CDC42BPB: variants seen among roughly 807,000 people sequenced by gnomAD.
CDC42BPB encodes serine/threonine-protein kinase MRCK beta.
A neutral mutation model predicts 214.9 loss-of-function variants in CDC42BPB; 37 were observed. That is an observed-to-expected ratio of 0.17 (90% confidence interval 0.13 to 0.23). The LOEUF is 0.23. Among genes scored for constraint, CDC42BPB ranks in the 10% least tolerant of loss-of-function variants. The probability of loss-of-function intolerance (pLI) is 1.00; values close to 1 mark genes in which losing one functional copy is unlikely to be tolerated. For missense variants in CDC42BPB, 1,694 were observed against 2,227.0 expected (o/e 0.76, Z 4.82); for synonymous variants, 931 against 884.0 (o/e 1.05, Z -0.94).
chr14:102,964,319 G>A (rs1034602578), intron 19 of CDC42BPB, among the ~76,000 whole-genome samples, 183 bp downstream of exon 19: 2 of 152,250 alleles, frequency 1.3e-5, no homozygotes, highest in African/African-American at 2.4e-5. Context: ...CCACCTCAGT[G>A]CCAGAACGGC....
chr14:103,034,818 C>CAAAAAA (rs573894825), intron 1 of CDC42BPB, among the ~76,000 whole-genome samples: 1 of 62,852 alleles, frequency 1.6e-5, no homozygotes. Flanking sequence ...ACTCCGTCTC[C>CAAAAAA]AAAAAAAAAA....
intron 1 of CDC42BPB, among the ~76,000 whole-genome samples, chr14:103,043,147 G>C (rs1464337834): frequency 6.6e-6 from 1 of 152,168 alleles, no homozygotes; most frequent in Non-Finnish European, 1.5e-5. Flanking sequence ...GGGAGGCTGA[G>C]GCAGGAGAAT....
rs529941957 is a variant in CDC42BPB at position 103,004,832 on chromosome 14, G to A, written c.352-809C>T. 9.2e-5 allele frequency among the ~76,000 whole-genome samples: 14 copies of A among 151,660 alleles called. 1 individual carries two copies. The highest frequency in any genetic ancestry group is 2.2e-4 in the African/African-American group (9 of 41,298). ...TGCGGTGAGCCAAAATTGCATCACC[G>A]TACTCCAGCCTGGACGACAGAGCCA... On this transcript the variant is annotated intron_variant, in intron 3 of 36. Transcript: ENST00000361246. This position sits in a 1 kb window ranked among gnomAD's most constrained non-coding sequence, Gnocchi z 5.3.
intron 1 of CDC42BPB, among the ~76,000 whole-genome samples, chr14:103,031,577 T>C (rs891504814): frequency 4.6e-5 from 7 of 152,370 alleles, no homozygotes; most frequent in Admixed American, 3.3e-4. Context: ...TATTTGATTA[T>C]GAAAATTGTA....
intron 5 of CDC42BPB, among the ~76,000 whole-genome samples, chr14:102,993,878 C>T (rs2269323): frequency 0.43 from 64,848 of 152,036 alleles, 14,640 homozygotes; most frequent in African/African-American, 0.56. Context: ...TTTATTTAGA[C>T]TGGAACAAAC....
At chr14:102,998,778 C>T (rs925433141) in intron 5 of CDC42BPB, among the ~76,000 whole-genome samples, 17 of 152,100 alleles carry the variant, frequency 1.1e-4, no homozygotes, top group East Asian at 3.9e-4. Context: ...GGGGTCAGCA[C>T]GGCACAGAGA....
intron 1 of CDC42BPB, among the ~76,000 whole-genome samples, chr14:103,040,235 A>T (rs1887909782): frequency 6.6e-6 from 1 of 151,816 alleles, no homozygotes. Flanking sequence ...GGTGCCTGCA[A>T]TCCCAGCTAC....
At chr14:102,945,225 T>TG in intron 29 of CDC42BPB, 1 of 458,036 alleles carries the variant, frequency 2.2e-6, no homozygotes, top group South Asian at 1.5e-5. Flanking sequence ...CCCTGCCCCC[T>TG]GCCCATGGCC....
chr14:103,044,069 G>A (rs771344241), intron 1 of CDC42BPB, among the ~76,000 whole-genome samples: 1 of 152,054 alleles, frequency 6.6e-6, no homozygotes, highest in Non-Finnish European at 1.5e-5. Flanking sequence ...TTCTCAATTC[G>A]CTGCTAGTCA....
intron 20 of CDC42BPB, 99 bp from the exon 21 acceptor site, chr14:102,959,809 G>A: frequency 1.2e-6 from 1 of 805,208 alleles, no homozygotes; most frequent in South Asian, 1.9e-5. Context: ...TTCTCCTTGA[G>A]TAACTGATAC....
intron 1 of CDC42BPB, among the ~76,000 whole-genome samples, chr14:103,023,004 T>C (rs1886857422): frequency 6.6e-6 from 1 of 151,824 alleles, no homozygotes; most frequent in Non-Finnish European, 1.5e-5. Flanking sequence ...TTTTTTTTCT[T>C]TTCTTTTCCT....
In CDC42BPB at chr14:102,949,080, G is replaced by A. The variant is rs75830236; in HGVS notation, c.3449+685C>T. 7.4e-3 allele frequency among the ~76,000 whole-genome samples: 1,129 copies of A among 152,290 alleles called. 17 individuals are homozygous for A. The highest frequency in any genetic ancestry group is 0.026 in the African/African-American group (1,083 of 41,552). On this transcript the variant is annotated intron_variant, in intron 26 of 36. Coordinates refer to ENST00000361246, the MANE Select transcript of CDC42BPB (RefSeq NM_006035.4). ...GTGCACCACACAACAGACGGTGCAC[G>A]GGCACAGCACAGAGATGACACAAAG...
chr14:102,975,322 G>A lies in CDC42BPB; in HGVS notation c.1507+362C>T, dbSNP rs917958232. ...GCAGATCACCTGAGGTCAGGAGTTCGAGACCAGCCTGGCCAACATGGTGAA... is the reference window on the plus strand; with the variant it reads ...GCAGATCACCTGAGGTCAGGAGTTCAAGACCAGCCTGGCCAACATGGTGAA... On this transcript the variant is annotated intron_variant, in intron 11 of 36. Coordinates refer to ENST00000361246, the MANE Select transcript of CDC42BPB (RefSeq NM_006035.4). Among the ~76,000 whole-genome samples, 17 of 152,128 alleles carry A rather than the reference G, an allele frequency of 1.1e-4. 1 individual carries two copies. Among genetic ancestry groups the A allele is most frequent in the African/African-American group, 3.4e-4 (14 of 41,430 alleles).
chr14:103,021,628 C>T (rs1200171071), intron 1 of CDC42BPB, among the ~76,000 whole-genome samples: 5 of 150,582 alleles, frequency 3.3e-5, no homozygotes, highest in African/African-American at 7.4e-5. Flanking sequence ...TGCAGTGACC[C>T]GAGATCGTGC....
chr14:102,952,841 C>T (rs965484378), intron 23 of CDC42BPB: 1 of 624,760 alleles, frequency 1.6e-6, no homozygotes, highest in Non-Finnish European at 2.0e-6. Flanking sequence ...GAGAGCACTG[C>T]TACCAAAAAG....
rs1891500165 is a variant in CDC42BPB at position 102,933,732 on chromosome 14, G to A, written c.5116C>T (p.Gln1706Ter). 6.7e-7 allele frequency: 1 copy of A among 1,485,430 alleles called. No homozygotes were observed. The highest frequency in any genetic ancestry group is 8.8e-7 in the Non-Finnish European group (1 of 1,133,220). 92.0% of individuals were successfully genotyped at this position (1,485,430 alleles called of 1,614,324 possible). ...RSQLPLEGLE[Q>*]PACDT ...CGGCTTCAGGTGTCACAGGCCGGCT[G>A]CTCCAGGCCTTCGAGGGGGAGCTGG... Residue 1706 changes from glutamine to a stop codon, truncating the protein, a stop_gained, in exon 37 of 37, where the codon CAG becomes TAG. Transcript: ENST00000361246. LOFTEE classifies it high-confidence loss of function.
At chr14:103,050,144 C>T (rs1466960788) in intron 1 of CDC42BPB, among the ~76,000 whole-genome samples, 1 of 152,106 alleles carries the variant, frequency 6.6e-6, no homozygotes, top group Non-Finnish European at 1.5e-5. Context: ...TTTGGAAAGG[C>T]AGAGTGATGA....
intron 2 of CDC42BPB, among the ~76,000 whole-genome samples, chr14:103,010,754 A>G (rs758275944): frequency 2.0e-5 from 3 of 152,224 alleles, no homozygotes; most frequent in African/African-American, 7.2e-5. Flanking sequence ...AAACTTGGCC[A>G]GGCGCGGTGG....
chr14:103,031,694 G>T (rs879590755), intron 1 of CDC42BPB, among the ~76,000 whole-genome samples: 4 of 152,160 alleles, frequency 2.6e-5, no homozygotes, highest in Non-Finnish European at 5.9e-5. Flanking sequence ...AAGGGCCTGG[G>T]GCTCCCAACA....
Sources: gnomAD v4.1 joint callset for allele counts (sites outside exome capture counted in the v4.1 genomes callset) on GRCh38, gnomAD v4.1.1 for gene constraint, Gnocchi (gnomAD v3.1) non-coding constraint, MANE v1.5 for transcripts, NCBI Gene and HGNC (gene_info 2026-07-23, HGNC 2026-07-21) for gene names.